Variants in PFKP observed in about 807,000 individuals in gnomAD.
PFKP encodes ATP-dependent 6-phosphofructokinase, platelet type.
In PFKP, 101 loss-of-function variants were observed where a neutral mutation model predicts 94.3. The ratio of observed to expected loss-of-function variants is 1.07; its 90% confidence interval spans 0.91 to 1.26. The LOEUF (loss-of-function observed/expected upper bound fraction) is 1.26, where lower values mean the gene tolerates loss of function less well. Among genes scored for constraint, PFKP ranks in the 50% most tolerant of loss-of-function variants. The probability of loss-of-function intolerance (pLI) is 0.00; values close to 1 mark genes in which losing one functional copy is unlikely to be tolerated. For missense variants in PFKP, 1,145 were observed against 1,103.3 expected, an observed-to-expected ratio of 1.04 and a Z score of -0.53; for synonymous variants, 573 against 432.6, an observed-to-expected ratio of 1.32 and a Z score of -4.03.
intron 13 of PFKP, among the ~76,000 whole-genome samples, chr10:3,114,060 AG>A (rs1377833172): frequency 2.1e-4 from 24 of 112,330 alleles, no homozygotes; most frequent in African/African-American, 7.3e-4. Context: ...TGCACGAGGG[AG>A]GACTGGAAAC....
At chr10:3,107,690 C>T (rs567846259) in intron 8 of PFKP, 78 of 958,442 alleles carry the variant, frequency 8.1e-5, no homozygotes, top group African/African-American at 5.3e-4. Flanking sequence ...TGGGAAAAGG[C>T]GGCGTCTTGC....
Position 3,079,011 on chromosome 10 carries a change from C to T in PFKP, c.113-3377C>T, listed in dbSNP as rs77102784. 5.3e-3 allele frequency among the ~76,000 whole-genome samples: 811 copies of T among 152,340 alleles called. 6 individuals carry two copies. The highest frequency in any genetic ancestry group is 0.019 in the African/African-American group (778 of 41,578). Reference sequence around the variant, plus strand: ...CTAGAAATGCAAGTTCCCAGGCTCCCTCTCCACCTGTGAAACCCGGGGGCA... The same window carrying T: ...CTAGAAATGCAAGTTCCCAGGCTCCTTCTCCACCTGTGAAACCCGGGGGCA... On this transcript the variant is annotated intron_variant, in intron 1 of 21. Transcript: ENST00000381125.
chr10:3,133,239 C>A lies in PFKP; in HGVS notation c.1947C>A (p.Phe649Leu). Residue 649 changes from phenylalanine to leucine, a missense_variant, in exon 19 of 22, where the codon TTC (phenylalanine) becomes TTA (leucine). Coordinates refer to ENST00000381125, the MANE Select transcript of PFKP (RefSeq NM_002627.5). Reference protein sequence around the residue: ...ESCSENYTTDFIYQLYSEEGK... With the variant: ...ESCSENYTTDLIYQLYSEEGK... ...GCAGTGAAAACTACACCACCGACTT[C>A]ATTTACCAGCTGTATTCAGAAGAGG... The A allele has an allele frequency of 6.2e-7, 1 of 1,614,042 alleles. No homozygotes were observed. Among genetic ancestry groups the A allele is most frequent in the Non-Finnish European group, 8.5e-7 (1 of 1,179,910 alleles).
intron 10 of PFKP, among the ~76,000 whole-genome samples, 155 bp downstream of exon 10, chr10:3,109,635 G>A (rs1835969281): frequency 6.6e-6 from 1 of 152,202 alleles, no homozygotes; most frequent in Admixed American, 6.5e-5. Flanking sequence ...GGAGGGAGAA[G>A]GCTTATGTTC....
chr10:3,119,878 C>T lies in PFKP; in HGVS notation c.1531-14C>T, dbSNP rs201812172. The T allele has an allele frequency of 1.5e-5, 24 of 1,613,716 alleles. No homozygotes were observed. Among genetic ancestry groups the T allele is most frequent in the South Asian group, 8.8e-5 (8 of 91,044 alleles). On this transcript the variant is annotated splice_polypyrimidine_tract_variant and intron_variant, in intron 15 of 21. Transcript: ENST00000381125. ...CTTCCCTCTCGCCCCACAACTCCCACGCTTGTCTGACAGGCCTACCTGGGA... is the reference window on the plus strand; with the variant it reads ...CTTCCCTCTCGCCCCACAACTCCCATGCTTGTCTGACAGGCCTACCTGGGA...
rs1838801440 is a variant in PFKP at position 3,133,228 on chromosome 10, A to G, written c.1936A>G (p.Thr646Ala). The change falls in exon 19 of 22, where the codon ACC becomes GCC. Residue 646 changes from threonine to alanine, a missense_variant. Around this residue, in one of 3 missense-constraint regions of PFKP, gnomAD observed 1,119 missense variants for 1,062.8 expected, o/e 1.05. Transcript: ENST00000381125. ...LRNESCSENY[T>A]TDFIYQLYSE... ...AAATGAGAGCTGCAGTGAAAACTAC[A>G]CCACCGACTTCATTTACCAGCTGTA... The G allele has an allele frequency of 2.1e-5, 34 of 1,613,926 alleles. No individual in the cohort carries two copies. The highest frequency in any genetic ancestry group is 2.8e-5 in the Non-Finnish European group (33 of 1,179,844).
chr10:3,109,645 C>CT (rs1032762609), intron 10 of PFKP, among the ~76,000 whole-genome samples, 165 bp downstream of exon 10: 1 of 152,222 alleles, frequency 6.6e-6, no homozygotes, highest in African/African-American at 2.4e-5. Context: ...GGCTTATGTT[C>CT]TCTCCCACAC....
intron 10 of PFKP, among the ~76,000 whole-genome samples, chr10:3,111,484 G>A (rs539830478): frequency 8.5e-5 from 13 of 152,094 alleles, no homozygotes; most frequent in Non-Finnish European, 1.3e-4. Context: ...ACCGTGGTAG[G>A]TGTCACTTGC....
chr10:3,113,400 TG>T lies in PFKP; in HGVS notation c.1258del (p.Ala420HisfsTer6). ...KTNCNVAVIN[V>X]GAPAAGMNAA... ...AATTGCAACGTAGCTGTCATCAACGTGGGGGCACCCGCGGCTGGGATGAACG... is the reference window on the plus strand; with the variant it reads ...AATTGCAACGTAGCTGTCATCAACGTGGGGCACCCGCGGCTGGGATGAACG... On this transcript the variant is annotated frameshift_variant, in exon 13 of 22. Transcript: ENST00000381125. LOFTEE classifies it high-confidence loss of function. 1 of 1,597,834 alleles carries T rather than the reference TG, an allele frequency of 6.3e-7. No homozygotes were observed. Among genetic ancestry groups the T allele is most frequent in the Non-Finnish European group, 8.5e-7 (1 of 1,169,822 alleles).
chr10:3,087,172 T>C (rs1473907982), intron 2 of PFKP, among the ~76,000 whole-genome samples: 1 of 152,178 alleles, frequency 6.6e-6, no homozygotes, highest in East Asian at 1.9e-4. Context: ...TTGGCCAGGC[T>C]GGTCTTGAAC....
intron 16 of PFKP, among the ~76,000 whole-genome samples, chr10:3,122,827 A>G (rs12246252): frequency 0.13 from 19,766 of 152,114 alleles, 1,352 homozygotes; most frequent in Admixed American, 0.16. Flanking sequence ...GATGTTTGCA[A>G]CGTCCAGGGA....
chr10:3,134,673 C>A (rs1839020422), intron 20 of PFKP, 91 bp downstream of exon 20: 2 of 802,086 alleles, frequency 2.5e-6, no homozygotes, highest in African/African-American at 1.7e-5. Flanking sequence ...AAGTAGGGTG[C>A]TGGTTCCTTC....
intron 10 of PFKP, among the ~76,000 whole-genome samples, chr10:3,110,365 A>ATTTTTTTTT (rs57980780): frequency 9.7e-3 from 894 of 92,414 alleles, no homozygotes; most frequent in Non-Finnish European, 0.011. Flanking sequence ...CGCCTGGCTA[A>ATTTTTTTTT]TTTTTTTTTT....
intron 2 of PFKP, among the ~76,000 whole-genome samples, chr10:3,094,110 ACCACCTCCCCACCACTGTGGTCAG>A (rs1834293911): frequency 6.6e-6 from 1 of 151,958 alleles, no homozygotes; most frequent in Admixed American, 6.6e-5. Context: ...TCCCTTCACC[ACCACCTCCCCACCACTGTGGTCAG>A]CTGAATGAGC....
chr10:3,132,481 C>T, intron 18 of PFKP, 40 bp downstream of exon 18: 2 of 1,380,686 alleles, frequency 1.4e-6, no homozygotes, highest in African/African-American at 1.4e-5. Flanking sequence ...ACCCTCACCG[C>T]CACACCCTGG....
rs750662673 is a variant in PFKP at position 3,105,386 on chromosome 10, C to CA, written c.666-6dup. ...GGGGTGTTGATGCTGTTGCCTTGTC[C>CA]ACATAGGTACCTGGCCCTGGTGAGT... is the stretch of plus-strand genomic sequence containing the variant. On this transcript the variant is annotated splice_polypyrimidine_tract_variant and splice_region_variant and intron_variant, in intron 6 of 21. Transcript: ENST00000381125. The CA allele has an allele frequency of 5.6e-6, 9 of 1,609,472 alleles. No homozygotes were observed. The highest frequency in any genetic ancestry group is 7.7e-6 in the Non-Finnish European group (9 of 1,175,944).
chr10:3,109,471 C>T lies in PFKP; in HGVS notation c.1080C>T (p.Cys360=), dbSNP rs768290273. ...NHAVRLPLME[C]VQMTQDVQKA... Reference sequence around the variant, plus strand: ...CCGTGCGCCTGCCGCTGATGGAGTGCGTGCAGATGGTGAGTGGGCAGCCCA... The same window carrying T: ...CCGTGCGCCTGCCGCTGATGGAGTGTGTGCAGATGGTGAGTGGGCAGCCCA... The change falls in exon 10 of 22, where the codon TGC becomes TGT. Residue 360 remains cysteine, a synonymous_variant. Coordinates refer to ENST00000381125, the MANE Select transcript of PFKP (RefSeq NM_002627.5). 1.7e-5 allele frequency: 27 copies of T among 1,604,824 alleles called. No individual in the cohort carries two copies. The highest frequency in any genetic ancestry group is 9.9e-5 in the South Asian group (9 of 90,970).
At chr10:3,132,519 C>T (rs2131726039) in intron 18 of PFKP, 78 bp downstream of exon 18, 1 of 1,027,604 alleles carries the variant, frequency 9.7e-7, no homozygotes, top group South Asian at 1.3e-5. Context: ...GTGACTTGGG[C>T]TGGATGAGTG....
At position 3,098,170 on chromosome 10, in the gene PFKP, C is replaced by CT. The variant is rs376222316; in HGVS notation, c.187-1099dup. On this transcript the variant is annotated intron_variant, in intron 2 of 21. Coordinates refer to ENST00000381125, the MANE Select transcript of PFKP (RefSeq NM_002627.5). ...AGTCATTTCAATTTTAAAAACCTTTCTTTTTTCTGTCCTCCGGACCTTCAC... is the reference window on the plus strand; with the variant it reads ...AGTCATTTCAATTTTAAAAACCTTTCTTTTTTTCTGTCCTCCGGACCTTCAC... Among the ~76,000 whole-genome samples, 754 of 152,216 alleles carry CT rather than the reference C, an allele frequency of 5.0e-3. 13 individuals carry two copies. Among genetic ancestry groups the CT allele is most frequent in the Middle Eastern group, 0.027 (8 of 294 alleles).
Sources: gnomAD v4.1 joint callset for allele counts (sites outside exome capture counted in the v4.1 genomes callset) on GRCh38, gnomAD v4.1.1 for gene constraint, gnomAD v4.1.1 regional missense constraint, MANE v1.5 for transcripts, NCBI Gene and HGNC (gene_info 2026-07-23, HGNC 2026-07-21) for gene names.